RANBP2: variants seen among roughly 807,000 people sequenced by gnomAD.
RANBP2 encodes E3 SUMO-protein ligase RanBP2.
A neutral mutation model predicts 303.6 loss-of-function variants in RANBP2; 57 were observed. The ratio of observed to expected loss-of-function variants is 0.19; its 90% CI spans 0.15 to 0.23. RANBP2 has a LOEUF of 0.23. Among genes scored for constraint, RANBP2 ranks in the 10% least tolerant of loss-of-function variants. RANBP2 has a pLI of 1.00. For missense variants in RANBP2, 3,138 were observed against 3,780.8 expected (o/e 0.83, Z 4.46); for synonymous variants, 1,167 against 1,301.5 (o/e 0.90, Z 2.23).
At chr2:109,481,799 A>G in the RANBP2 span, among the ~76,000 whole-genome samples, 1 of 152,178 alleles carries the variant, frequency 6.6e-6, no homozygotes, top group African/African-American at 2.4e-5. Context: ...AACTGCTACC[A>G]TGAGAATCCT....
the RANBP2 span, among the ~76,000 whole-genome samples, chr2:108,906,595 C>T: frequency 6.6e-6 from 1 of 152,334 alleles, no homozygotes; most frequent in South Asian, 2.1e-4. Context: ...TTAGGCTCAG[C>T]TGGGTGGTCA....
intron 18 of RANBP2, among the ~76,000 whole-genome samples, chr2:108,760,911 T>C (rs1333973413): frequency 6.6e-6 from 1 of 152,140 alleles, no homozygotes; most frequent in African/African-American, 2.4e-5. Flanking sequence ...GTTTGCCCAA[T>C]GCAACCTCAT....
chr2:109,241,331 T>G, the RANBP2 span, among the ~76,000 whole-genome samples: 526 of 152,286 alleles, frequency 3.5e-3, 4 homozygotes, highest in African/African-American at 0.012. Flanking sequence ...ATTGGAGCAT[T>G]TGAAGTGGAA....
the RANBP2 span, among the ~76,000 whole-genome samples, chr2:109,096,236 A>T: frequency 6.6e-6 from 1 of 152,232 alleles, no homozygotes; most frequent in African/African-American, 2.4e-5. Flanking sequence ...AAAACCATAC[A>T]GGAAACATTA....
At chr2:109,482,315 AGTCC>A in the RANBP2 span, among the ~76,000 whole-genome samples, 1 of 152,204 alleles carries the variant, frequency 6.6e-6, no homozygotes, top group Admixed American at 6.5e-5. Context: ...ATAATTATGT[AGTCC>A]GTTTTACACA....
chr2:109,106,291 A>G, the RANBP2 span, among the ~76,000 whole-genome samples: 1 of 152,146 alleles, frequency 6.6e-6, no homozygotes, highest in East Asian at 1.9e-4. Context: ...GCAGACCCAT[A>G]TGGATTTGCC....
the RANBP2 span, among the ~76,000 whole-genome samples, chr2:109,319,698 C>T: frequency 5.3e-5 from 8 of 152,322 alleles, no homozygotes; most frequent in South Asian, 2.1e-4. Context: ...TGAAGAGTGC[C>T]GTGCCGGAGC....
At chr2:109,174,235 C>T in the RANBP2 span, among the ~76,000 whole-genome samples, 2 of 152,222 alleles carry the variant, frequency 1.3e-5, no homozygotes, top group Admixed American at 1.3e-4. Flanking sequence ...AGGTGGACAT[C>T]ACAGTTTTAT....
chr2:109,574,625 G>C, the RANBP2 span: 1 of 1,604,946 alleles, frequency 6.2e-7, no homozygotes, highest in Non-Finnish European at 8.5e-7. Flanking sequence ...AGTGTCTTCA[G>C]AGAGTGGCCT....
chr2:109,417,073 C>G, the RANBP2 span, among the ~76,000 whole-genome samples: 1 of 152,164 alleles, frequency 6.6e-6, no homozygotes, highest in African/African-American at 2.4e-5. Context: ...GTTGGAATTG[C>G]TTGGTAACTA....
chr2:109,214,160 A>G, the RANBP2 span, among the ~76,000 whole-genome samples: 1 of 152,186 alleles, frequency 6.6e-6, no homozygotes, highest in South Asian at 2.1e-4. Flanking sequence ...GGGCCTCAGC[A>G]GGCTGTTGGA....
chr2:109,713,211 T>C, the RANBP2 span, among the ~76,000 whole-genome samples: 1 of 152,134 alleles, frequency 6.6e-6, no homozygotes, highest in Non-Finnish European at 1.5e-5. Context: ...GGAGGAGAGA[T>C]GGTGAACTGC....
the RANBP2 span, among the ~76,000 whole-genome samples, chr2:109,669,785 G>A: frequency 1.3e-5 from 2 of 152,140 alleles, no homozygotes; most frequent in East Asian, 1.9e-4. Context: ...GGCCACAGGA[G>A]GTGAGAACCT....
chr2:108,891,923 C>A, the RANBP2 span, among the ~76,000 whole-genome samples: 1 of 152,106 alleles, frequency 6.6e-6, no homozygotes, highest in African/African-American at 2.4e-5. Context: ...GAAAGATGCT[C>A]AGGTACCCAA....
chr2:109,545,209 T>C, the RANBP2 span: 3 of 985,284 alleles, frequency 3.0e-6, no homozygotes, highest in Non-Finnish European at 3.6e-6. Flanking sequence ...GTCCCCCAAA[T>C]GAGCATTCTG....
the RANBP2 span, among the ~76,000 whole-genome samples, chr2:109,441,476 T>C: frequency 6.6e-6 from 1 of 151,978 alleles, no homozygotes; most frequent in African/African-American, 2.4e-5. Flanking sequence ...CTTGAAGATA[T>C]AGTAATAGAA....
At chr2:109,281,047 G>T in the RANBP2 span, among the ~76,000 whole-genome samples, 2 of 152,170 alleles carry the variant, frequency 1.3e-5, no homozygotes, top group African/African-American at 4.8e-5. Context: ...CCCCAGAGCC[G>T]ACCTTGTATG....
rs775231457 is a variant in RANBP2 at position 108,763,396 on chromosome 2, A to G, written c.2857A>G (p.Ile953Val). 1.9e-6 allele frequency: 3 copies of G among 1,613,968 alleles called. No individual in the cohort carries two copies. In the South Asian group the frequency reaches 3.3e-5, roughly 18 times the overall value. ...ALRFESPATG[I>V]LSPRGDDYFN... is the part of the protein sequence containing the mutation. ...GCGTTTTGAGTCTCCTGCAACGGGA[A>G]TTCTATCGCCCAGGGGTGATGATTA... The change falls in exon 20 of 29, where the codon ATT (isoleucine) becomes GTT (valine). Residue 953 changes from isoleucine to valine, a missense_variant. Transcript: ENST00000283195.
chr2:109,531,455 A>G, the RANBP2 span, among the ~76,000 whole-genome samples: 1 of 152,168 alleles, frequency 6.6e-6, no homozygotes, highest in Admixed American at 6.5e-5. Context: ...AAGACTTCTG[A>G]GTTGCTGAAA....
Sources: gnomAD v4.1 joint callset for allele counts (sites outside exome capture counted in the v4.1 genomes callset) on GRCh38, gnomAD v4.1.1 for gene constraint, MANE v1.5 for transcripts, NCBI Gene and HGNC (gene_info 2026-07-23, HGNC 2026-07-21) for gene names.